Variants in XKR6 observed in about 807,000 individuals in gnomAD.
XKR6 encodes XK-related protein 6.
Under a neutral mutation model 56.7 loss-of-function variants are expected in XKR6, and 22 were observed. The ratio of observed to expected loss-of-function variants is 0.39; its 90% CI spans 0.28 to 0.55. The LOEUF is 0.55. Among genes scored for constraint, XKR6 ranks in the 20% least tolerant of loss-of-function variants. The pLI, the probability that XKR6 is intolerant of heterozygous loss-of-function variation, is 0.66. For missense variants in XKR6, 852 were observed against 889.0 expected (o/e 0.96, Z 0.53); for synonymous variants, 524 against 387.8 (o/e 1.35, Z -4.13).
intron 1 of XKR6, among the ~76,000 whole-genome samples, chr8:10,977,374 C>G (rs535025193): frequency 6.6e-6 from 1 of 152,050 alleles, no homozygotes; most frequent in East Asian, 1.9e-4. Flanking sequence ...TGGAGAATGA[C>G]AAATTCCCTA....
intron 1 of XKR6, among the ~76,000 whole-genome samples, chr8:11,134,769 C>T (rs1037257165): frequency 6.6e-6 from 1 of 151,918 alleles, no homozygotes; most frequent in African/African-American, 2.4e-5. Flanking sequence ...ATACTATATT[C>T]ACAAAAATGT....
intron 1 of XKR6, among the ~76,000 whole-genome samples, chr8:11,168,314 A>G (rs987928389): frequency 1.3e-5 from 2 of 152,344 alleles, no homozygotes; most frequent in African/African-American, 4.8e-5. Context: ...TGAGAAGGAT[A>G]CTATATTTGA....
At chr8:10,912,442 T>A (rs2129111240) in intron 2 of XKR6, among the ~76,000 whole-genome samples, 2 of 97,678 alleles carry the variant, frequency 2.0e-5, no homozygotes, top group East Asian at 2.6e-4. Context: ...AGACGATAGG[T>A]GAGTGTATAT....
intron 1 of XKR6, among the ~76,000 whole-genome samples, chr8:11,097,576 G>A (rs557263727): frequency 1.3e-5 from 2 of 151,776 alleles, no homozygotes; most frequent in Non-Finnish European, 2.9e-5. Context: ...GGGAGGCCGG[G>A]GTGGGCGTAT....
At chr8:11,159,833 G>A (rs1005014018) in intron 1 of XKR6, among the ~76,000 whole-genome samples, 1 of 152,144 alleles carries the variant, frequency 6.6e-6, no homozygotes, top group Non-Finnish European at 1.5e-5. Context: ...TGAACACAAA[G>A]AAGGTACCTT....
rs756058435 is a variant in XKR6 at position 11,201,105 on chromosome 8, C to A, written c.235G>T (p.Gly79Cys). The A allele has an allele frequency of 1.3e-6, 2 of 1,504,194 alleles. No individual in the cohort carries two copies. Among genetic ancestry groups the A allele is most frequent in the South Asian group, 2.4e-5 (2 of 81,922 alleles). 93.2% of individuals were successfully genotyped at this position (1,504,194 alleles called of 1,614,324 possible). ...CRSACLRSLL[G>C]RKPRRSAAAD... Reference sequence around the variant, plus strand: ...GCGGCGCTGCGGCGCGGCTTCCTGCCCAGGAGGGAGCGCAGGCAGGCGGAG... The same window carrying A: ...GCGGCGCTGCGGCGCGGCTTCCTGCACAGGAGGGAGCGCAGGCAGGCGGAG... Residue 79 changes from glycine (G) to cysteine (C), a missense_variant, in exon 1 of 3, where the codon GGC becomes TGC. Gly to Cys is a radical substitution (Grantham distance 159, BLOSUM62 -3). Coordinates refer to ENST00000416569, the MANE Select transcript of XKR6 (RefSeq NM_173683.4).
At chr8:10,985,424 C>G (rs998251908) in intron 1 of XKR6, among the ~76,000 whole-genome samples, 4 of 152,068 alleles carry the variant, frequency 2.6e-5, no homozygotes, top group African/African-American at 4.8e-5. Context: ...GGAACATTGT[C>G]TAGATCACTC....
chr8:11,021,862 C>A (rs922782204), intron 1 of XKR6, among the ~76,000 whole-genome samples: 2 of 152,062 alleles, frequency 1.3e-5, no homozygotes, highest in African/African-American at 4.8e-5. Flanking sequence ...CCTTGGCTTC[C>A]TGAACTTAGC....
intron 1 of XKR6, among the ~76,000 whole-genome samples, chr8:11,144,458 T>C (rs937892322): frequency 1.3e-5 from 2 of 151,200 alleles, no homozygotes; most frequent in African/African-American, 4.9e-5. Flanking sequence ...GACTCAAAAC[T>C]CAGAACCCTA....
chr8:11,139,591 C>T (rs916851496), intron 1 of XKR6, among the ~76,000 whole-genome samples: 6 of 152,112 alleles, frequency 3.9e-5, no homozygotes, highest in Admixed American at 2.0e-4. Flanking sequence ...CCAGGGCTCC[C>T]GCTCCAAGCC....
rs866272111 is a variant in XKR6 at position 11,091,057 on chromosome 8, G to C, written c.764+109519C>G. Among the ~76,000 whole-genome samples, 8 of 152,252 alleles carry C rather than the reference G, an allele frequency of 5.3e-5. 2 individuals carry two copies. The South Asian group carries it at 1.5e-3, about 28-fold the overall frequency. On this transcript the variant is annotated intron_variant, in intron 1 of 2. Transcript: ENST00000416569. Reference sequence around the variant, plus strand: ...AGGCCATCCTCTCTCTTAGGTGAGAGGTAGGAAAGCATGTCTGTACCAGCA... The same window carrying C: ...AGGCCATCCTCTCTCTTAGGTGAGACGTAGGAAAGCATGTCTGTACCAGCA...
intron 1 of XKR6, among the ~76,000 whole-genome samples, chr8:11,062,482 C>T (rs1799860537): frequency 6.6e-6 from 1 of 152,186 alleles, no homozygotes; most frequent in South Asian, 2.1e-4. Flanking sequence ...ACATCCAGCT[C>T]CATGAGGTCA....
At chr8:10,995,913 C>T (rs563145512) in intron 1 of XKR6, among the ~76,000 whole-genome samples, 3 of 152,150 alleles carry the variant, frequency 2.0e-5, no homozygotes, top group South Asian at 2.1e-4. Flanking sequence ...TTGAATCAGA[C>T]GAATGGCTTG....
At chr8:11,077,080 G>T (rs1217337467) in intron 1 of XKR6, among the ~76,000 whole-genome samples, 1 of 152,076 alleles carries the variant, frequency 6.6e-6, no homozygotes. Flanking sequence ...AGAGGCTGAG[G>T]CAGAAGGATC....
intron 1 of XKR6, among the ~76,000 whole-genome samples, chr8:11,033,129 AATG>A (rs58270117): frequency 0.056 from 8,456 of 151,744 alleles, 689 homozygotes; most frequent in African/African-American, 0.18. Context: ...TCACGATGGT[AATG>A]ATGATGATGG....
chr8:10,961,326 G>C (rs1802053703), intron 1 of XKR6, among the ~76,000 whole-genome samples: 3 of 152,228 alleles, frequency 2.0e-5, no homozygotes. Flanking sequence ...CATCATTCCA[G>C]GCAAGAGGAG....
At chr8:11,005,606 G>A (rs989972745) in intron 1 of XKR6, among the ~76,000 whole-genome samples, 2 of 152,014 alleles carry the variant, frequency 1.3e-5, no homozygotes, top group Admixed American at 6.6e-5. Flanking sequence ...ATGATGATAC[G>A]AGTGTGTATT....
At chr8:11,188,075 T>G (rs1476657167) in intron 1 of XKR6, among the ~76,000 whole-genome samples, 1 of 152,174 alleles carries the variant, frequency 6.6e-6, no homozygotes, top group African/African-American at 2.4e-5. Context: ...TTTTGCAGAA[T>G]GAGAGGTTTT....
chr8:11,055,823 G>A (rs73662688), intron 1 of XKR6, among the ~76,000 whole-genome samples: 114 of 150,644 alleles, frequency 7.6e-4, no homozygotes, highest in African/African-American at 2.6e-3. Context: ...TGGGTCGGGG[G>A]TGGGCAAGAA....
Sources: allele counts gnomAD v4.1 joint callset (sites outside exome capture counted in the v4.1 genomes callset), GRCh38; gene constraint gnomAD v4.1.1; transcripts MANE v1.5; gene names NCBI Gene and HGNC (gene_info 2026-07-23, HGNC 2026-07-21).